Variants in GCNT1 observed in about 807,000 individuals in gnomAD.
The protein encoded by GCNT1 is beta-1,3-galactosyl-O-glycosyl-glycoprotein beta-1,6-N-acetylglucosaminyltransferase.
In GCNT1, 16 loss-of-function variants were observed where a neutral mutation model predicts 26.2. That is an observed-to-expected ratio of 0.61 (90% CI 0.41 to 0.93). The LOEUF is 0.93. Among genes scored for constraint, GCNT1 ranks in the 40% least tolerant of loss-of-function variants. The pLI is 0.00. For missense variants in GCNT1, 477 were observed against 526.7 expected (o/e 0.91, Z 0.92); for synonymous variants, 183 against 190.8 (o/e 0.96, Z 0.34).
intron 2 of GCNT1, among the ~76,000 whole-genome samples, chr9:76,481,292 T>C (rs573092946): frequency 6.6e-6 from 1 of 152,040 alleles, no homozygotes; most frequent in Non-Finnish European, 1.5e-5. Flanking sequence ...AGGAAATTCC[T>C]GTACCCCTTC....
chr9:76,448,682 TTC>T (rs756777168), intron 1 of GCNT1, among the ~76,000 whole-genome samples: 19 of 152,212 alleles, frequency 1.2e-4, no homozygotes, highest in African/African-American at 4.3e-4. Context: ...GATTTGCCTC[TTC>T]CAGAATTTCA....
intron 2 of GCNT1, among the ~76,000 whole-genome samples, chr9:76,469,365 C>G (rs1824077658): frequency 6.6e-6 from 1 of 152,142 alleles, no homozygotes; most frequent in Non-Finnish European, 1.5e-5. Context: ...GTGAAGAGAG[C>G]TCACTAAAAT....
At position 76,500,148 on chromosome 9, in the gene GCNT1, T is replaced by G. The variant is rs183656861; in HGVS notation, c.-289-768T>G. 8.2e-3 allele frequency among the ~76,000 whole-genome samples: 1,246 copies of G among 152,216 alleles called. 17 individuals carry two copies. Among genetic ancestry groups the G allele is most frequent in the African/African-American group, 0.028 (1,148 of 41,510 alleles). On this transcript the variant is annotated intron_variant, in intron 2 of 3. Transcript: ENST00000376730. ...TCTTTGCATGCCTTGTAATTTTTTT[T>G]TTGTTGAAACTGGATAGTTTATAAT...
At chr9:76,489,175 G>C (rs751357355) in intron 2 of GCNT1, among the ~76,000 whole-genome samples, 1 of 152,184 alleles carries the variant, frequency 6.6e-6, no homozygotes, top group Non-Finnish European at 1.5e-5. Context: ...TCTATCTAGA[G>C]AGCACATTTT....
intron 2 of GCNT1, among the ~76,000 whole-genome samples, chr9:76,493,067 G>A (rs541531723): frequency 7.9e-5 from 12 of 152,274 alleles, no homozygotes; most frequent in East Asian, 5.8e-4. Context: ...AAGGCCTCCC[G>A]TAGCCGCTTG....
intron 1 of GCNT1, among the ~76,000 whole-genome samples, chr9:76,430,602 T>C (rs1823326024): frequency 6.6e-6 from 1 of 152,056 alleles, no homozygotes; most frequent in Non-Finnish European, 1.5e-5. Flanking sequence ...CCTAGGCTGG[T>C]CATGAACTCC....
At chr9:76,397,413 T>G in the GCNT1 span, among the ~76,000 whole-genome samples, 1 of 151,710 alleles carries the variant, frequency 6.6e-6, no homozygotes, top group Non-Finnish European at 1.5e-5. Flanking sequence ...GGGTAATTAC[T>G]GTGTTATCAG....
chr9:76,454,044 A>G (rs1352490319), intron 1 of GCNT1, among the ~76,000 whole-genome samples: 1 of 152,168 alleles, frequency 6.6e-6, no homozygotes, highest in Non-Finnish European at 1.5e-5. Context: ...GGTCAGGCAG[A>G]AAAGGGTTTT....
the GCNT1 span, among the ~76,000 whole-genome samples, chr9:76,400,298 G>A: frequency 1.3e-5 from 2 of 152,000 alleles, no homozygotes; most frequent in African/African-American, 2.4e-5. Context: ...TGACATCAAC[G>A]TTCACACCTT....
upstream of GCNT1, among the ~76,000 whole-genome samples, chr9:76,437,673 A>G (rs1014456862): frequency 2.0e-5 from 3 of 152,296 alleles, no homozygotes; most frequent in Admixed American, 1.3e-4. Context: ...TGTGAGATCC[A>G]AGAACCATCT....
At chr9:76,394,589 C>T in the GCNT1 span, 114 of 158,352 alleles carry the variant, frequency 7.2e-4, 1 homozygote, top group African/African-American at 2.3e-3. Context: ...CGCCCGGCTC[C>T]CGCCGCAAGC....
chr9:76,453,142 A>G (rs566575128), intron 1 of GCNT1, among the ~76,000 whole-genome samples: 1 of 152,132 alleles, frequency 6.6e-6, no homozygotes, highest in Non-Finnish European at 1.5e-5. Flanking sequence ...ATTGGGTGTC[A>G]TCTGTTCAGC....
At chr9:76,411,621 A>G in the GCNT1 span, among the ~76,000 whole-genome samples, 2 of 147,954 alleles carry the variant, frequency 1.4e-5, no homozygotes, top group African/African-American at 5.1e-5. Flanking sequence ...GACCCAATGC[A>G]CTCAGCCCAT....
At chr9:76,484,802 T>TC (rs1375539498) in intron 2 of GCNT1, among the ~76,000 whole-genome samples, 8 of 151,406 alleles carry the variant, frequency 5.3e-5, no homozygotes, top group African/African-American at 1.9e-4. Flanking sequence ...TTTTTTTTTT[T>TC]TTCTGAGATG....
intron 2 of GCNT1, among the ~76,000 whole-genome samples, chr9:76,467,109 C>T (rs186429750): frequency 5.3e-4 from 81 of 151,920 alleles, no homozygotes; most frequent in African/African-American, 1.9e-3. Flanking sequence ...GTGGCACGAT[C>T]TCAGCTCACT....
In GCNT1 at chr9:76,493,689, T is replaced by G. The variant is rs181403153; in HGVS notation, c.-289-7227T>G. Among the ~76,000 whole-genome samples, 299 of 152,202 alleles carry G rather than the reference T, an allele frequency of 2.0e-3. 2 individuals carry two copies. The highest frequency in any genetic ancestry group is 6.9e-3 in the African/African-American group (287 of 41,516). On this transcript the variant is annotated intron_variant, in intron 2 of 3. Transcript: ENST00000376730. ...TCATCATTAATAGGAAGGAGAGCTA[T>G]AGGGAGGCTAGGATATGGAGATAAG... is the stretch of plus-strand genomic sequence containing the variant.
At chr9:76,400,133 TC>T in the GCNT1 span, among the ~76,000 whole-genome samples, 2 of 152,176 alleles carry the variant, frequency 1.3e-5, no homozygotes, top group African/African-American at 4.8e-5. Flanking sequence ...GTGAAACTAT[TC>T]TGTATGATAC....
intron 2 of GCNT1, among the ~76,000 whole-genome samples, chr9:76,482,007 A>G (rs1324032031): frequency 6.6e-6 from 1 of 152,204 alleles, no homozygotes; most frequent in Admixed American, 6.5e-5. Flanking sequence ...GCTTTGCCCC[A>G]GGTAACATTG....
At chr9:76,394,021 C>T in the GCNT1 span, 55 of 1,456,598 alleles carry the variant, frequency 3.8e-5, 1 homozygote, top group South Asian at 4.2e-4. Context: ...GGTCCCAAGT[C>T]CCCGGCTGCC....
Sources: gnomAD v4.1 joint callset for allele counts (sites outside exome capture counted in the v4.1 genomes callset) on GRCh38, gnomAD v4.1.1 for gene constraint, MANE v1.5 for transcripts, NCBI Gene and HGNC (gene_info 2026-07-23, HGNC 2026-07-21) for gene names.